Variants in KCNT2 observed in about 807,000 individuals in gnomAD.
The protein encoded by KCNT2 is potassium sodium-activated channel subfamily T member 2.
In KCNT2, 67 loss-of-function variants were observed where a neutral mutation model predicts 153.8. The observed-to-expected ratio is 0.44, with a 90% CI of 0.36 to 0.53. The LOEUF (loss-of-function observed/expected upper bound fraction) is 0.53, where lower values mean the gene tolerates loss of function less well. KCNT2 is among the 20% of genes least tolerant of loss of function. The probability of loss-of-function intolerance (pLI) is 0.00; values close to 1 mark genes in which losing one functional copy is unlikely to be tolerated. For synonymous variants in KCNT2, 500 were observed against 458.8 expected, an observed-to-expected ratio of 1.09 and a Z score of -1.15; for missense variants, 975 against 1,354.8, an observed-to-expected ratio of 0.72 and a Z score of 4.40.
At chr1:196,434,081 T>A (rs1674403277) in intron 8 of KCNT2, among the ~76,000 whole-genome samples, 1 of 152,100 alleles carries the variant, frequency 6.6e-6, no homozygotes, top group Non-Finnish European at 1.5e-5. Context: ...ACCAATGAGT[T>A]GATTCATAAC....
intron 12 of KCNT2, among the ~76,000 whole-genome samples, chr1:196,415,499 C>G (rs1672680232): frequency 6.6e-6 from 1 of 151,072 alleles, no homozygotes. Context: ...AATCATTGTA[C>G]TCACCTATAT....
intron 14 of KCNT2, among the ~76,000 whole-genome samples, chr1:196,352,778 G>A (rs564864240): frequency 3.6e-4 from 55 of 151,918 alleles, no homozygotes; most frequent in Admixed American, 1.7e-3. Context: ...TGCTTTTCTA[G>A]TTCTTTTAAT....
chr1:196,598,201 T>C (rs1287919215), intron 1 of KCNT2, among the ~76,000 whole-genome samples: 1 of 152,200 alleles, frequency 6.6e-6, no homozygotes. Flanking sequence ...TCTTTTTGAT[T>C]GATATATGCT....
intron 1 of KCNT2, among the ~76,000 whole-genome samples, chr1:196,548,870 T>C (rs545909471): frequency 2.3e-4 from 35 of 152,014 alleles, no homozygotes; most frequent in African/African-American, 8.2e-4. Flanking sequence ...ATGGATGAAA[T>C]TGGAAATCAT....
chr1:196,569,199 T>C (rs2148945384), intron 1 of KCNT2, among the ~76,000 whole-genome samples: 1 of 152,350 alleles, frequency 6.6e-6, no homozygotes, highest in African/African-American at 2.4e-5. Flanking sequence ...TTTAATTTAT[T>C]TCTTTCAAGT....
At chr1:196,375,471 T>A (rs995226078) in intron 13 of KCNT2, among the ~76,000 whole-genome samples, 4 of 151,852 alleles carry the variant, frequency 2.6e-5, no homozygotes, top group Non-Finnish European at 5.9e-5. Context: ...TAGCATTGTA[T>A]GTAAGTCATT....
At chr1:196,373,064 A>G (rs1263466658) in intron 14 of KCNT2, 76 bp downstream of exon 14, 1 of 730,756 alleles carries the variant, frequency 1.4e-6, no homozygotes, top group Non-Finnish European at 2.4e-6. Flanking sequence ...GGCCTTCTAT[A>G]TTTTTAAATC....
At chr1:196,298,697 G>C (rs1378467613) in intron 22 of KCNT2, among the ~76,000 whole-genome samples, 1 of 151,278 alleles carries the variant, frequency 6.6e-6, no homozygotes, top group Non-Finnish European at 1.5e-5. Context: ...GGAGTTGAGG[G>C]TAAAGGCTAA....
chr1:196,411,132 T>C (rs1446197535), intron 12 of KCNT2, among the ~76,000 whole-genome samples: 1 of 144,688 alleles, frequency 6.9e-6, no homozygotes, highest in Non-Finnish European at 1.5e-5. Flanking sequence ...CTCCCTTCTT[T>C]CCTACCTCCC....
chr1:196,271,053 C>A (rs754471550), intron 25 of KCNT2, among the ~76,000 whole-genome samples: 1 of 151,932 alleles, frequency 6.6e-6, no homozygotes, highest in Non-Finnish European at 1.5e-5. Context: ...CACACAAACA[C>A]ACACGCACAC....
intron 25 of KCNT2, among the ~76,000 whole-genome samples, chr1:196,279,809 T>C (rs1285175722): frequency 6.6e-6 from 1 of 152,032 alleles, no homozygotes; most frequent in Non-Finnish European, 1.5e-5. Context: ...TTTCTGCTGG[T>C]AACTTATATA....
chr1:196,340,212 T>A, intron 16 of KCNT2, 129 bp downstream of exon 16: 1 of 609,018 alleles, frequency 1.6e-6, no homozygotes. Context: ...TAGTCATACC[T>A]AGTTTGTAAA....
At chr1:196,544,970 T>A (rs1364599402) in intron 1 of KCNT2, among the ~76,000 whole-genome samples, 1 of 152,124 alleles carries the variant, frequency 6.6e-6, no homozygotes, top group East Asian at 1.9e-4. Context: ...TTAAAACTAA[T>A]GTTTATGAAA....
chr1:196,590,103 TA>T lies in KCNT2; in HGVS notation c.95+18111del, dbSNP rs563633549. On this transcript the variant is annotated intron_variant, in intron 1 of 27. Transcript: ENST00000294725. ...CTTGTATCCCTTAAATTTATACAAA[TA>T]AAAAAAATGCAAAGTAAACACACTG... Among the ~76,000 whole-genome samples the T allele has an allele frequency of 2.0e-4, 31 of 151,988 alleles. No individual in the cohort carries two copies. The South Asian group carries it at 3.1e-3, about 15-fold the overall frequency.
intron 16 of KCNT2, among the ~76,000 whole-genome samples, chr1:196,336,423 C>T (rs919458497): frequency 6.6e-6 from 1 of 152,096 alleles, no homozygotes; most frequent in East Asian, 1.9e-4. Flanking sequence ...CTTTTCTAAC[C>T]AAAATACATC....
chr1:196,582,872 T>TAGGATTATAAAATATAATTATAC (rs566239387), intron 1 of KCNT2, among the ~76,000 whole-genome samples: 8 of 152,004 alleles, frequency 5.3e-5, no homozygotes, highest in African/African-American at 7.2e-5. Flanking sequence ...ACAGATTGCA[T>TAGGATTATAAAATATAATTATAC]AGGATTATAA....
chr1:196,562,339 G>C (rs1471781665), intron 1 of KCNT2, among the ~76,000 whole-genome samples: 1 of 151,956 alleles, frequency 6.6e-6, no homozygotes, highest in Non-Finnish European at 1.5e-5. Context: ...GTTAATGTTG[G>C]TCAGTTGTGC....
intron 1 of KCNT2, among the ~76,000 whole-genome samples, chr1:196,533,920 T>C (rs1335929485): frequency 6.6e-6 from 1 of 152,152 alleles, no homozygotes; most frequent in African/African-American, 2.4e-5. Context: ...GCCCCTCCAC[T>C]AGTACCATAA....
intron 16 of KCNT2, among the ~76,000 whole-genome samples, chr1:196,338,156 G>A (rs1198797574): frequency 6.6e-6 from 1 of 152,074 alleles, no homozygotes; most frequent in South Asian, 2.1e-4. Flanking sequence ...TGGAGGGAGT[G>A]ATATTTTGAC....
Sources: allele counts gnomAD v4.1 joint callset (sites outside exome capture counted in the v4.1 genomes callset), GRCh38; gene constraint gnomAD v4.1.1; transcripts MANE v1.5; gene names NCBI Gene and HGNC (gene_info 2026-07-23, HGNC 2026-07-21).